The following AP2M1 variants were observed in gnomAD, a reference collection of about 807,000 sequenced individuals.
AP2M1 encodes the protein adaptor related protein complex 2 subunit mu 1, also known as AP-2 complex subunit mu.
A neutral mutation model predicts 54.5 loss-of-function variants in AP2M1; 5 were observed. The ratio of observed to expected loss-of-function variants is 0.09; its 90% CI spans 0.05 to 0.19. The LOEUF is 0.19. Ranked by LOEUF, AP2M1 falls within the 10% of genes least tolerant of loss-of-function variation. The probability of loss-of-function intolerance (pLI) is 1.00; values close to 1 mark genes in which losing one functional copy is unlikely to be tolerated. For missense variants in AP2M1, 178 were observed against 580.2 expected, an observed-to-expected ratio of 0.31 and a Z score of 7.12; for synonymous variants, 186 against 208.2, an observed-to-expected ratio of 0.89 and a Z score of 0.92.
Position 184,182,099 on chromosome 3 carries a change from G to T in AP2M1, c.963+52G>T. ...GAAGAACTTGTCCCTAGGAATAAAG[G>T]TAGCTGATGTCACAGCTTGACAGAG... On this transcript the variant is annotated intron_variant, in intron 9 of 11. Transcript: ENST00000292807. The surrounding 1 kb of genome is among the most constrained non-coding windows in gnomAD (Gnocchi z 5.5). 2.5e-6 allele frequency: 4 copies of T among 1,611,460 alleles called. No individual in the cohort carries two copies. Among genetic ancestry groups the T allele is most frequent in the Non-Finnish European group, 3.4e-6 (4 of 1,178,300 alleles).
chr3:184,178,502 G>C lies in AP2M1; in HGVS notation c.75-355G>C, dbSNP rs1040268062. ...GTGTCTCTTTCTGTCCTGGACCTGGGAGCTTACAGGGAAGCTAGATAAAGC... is the reference window on the plus strand; with the variant it reads ...GTGTCTCTTTCTGTCCTGGACCTGGCAGCTTACAGGGAAGCTAGATAAAGC... On this transcript the variant is annotated intron_variant, in intron 2 of 11. Transcript: ENST00000292807. The surrounding 1 kb of genome is among the most constrained non-coding windows in gnomAD (Gnocchi z 4.9). Among the ~76,000 whole-genome samples, 37 of 152,260 alleles carry C rather than the reference G, an allele frequency of 2.4e-4. No individual in the cohort carries two copies. The highest frequency in any genetic ancestry group is 2.0e-3 in the Admixed American group (30 of 15,290).
Position 184,180,527 on chromosome 3 carries a change from C to G in AP2M1, c.424-118C>G. On this transcript the variant is annotated intron_variant, in intron 4 of 11. Coordinates refer to ENST00000292807, the MANE Select transcript of AP2M1 (RefSeq NM_004068.4). This position sits in a 1 kb window ranked among gnomAD's most constrained non-coding sequence, Gnocchi z 4.9. ...AGGCCTGGTCTTGAGGCCTGGTATTCCTCAGGAGGAGCGAGCTTGGGCCCT... is the reference window on the plus strand; with the variant it reads ...AGGCCTGGTCTTGAGGCCTGGTATTGCTCAGGAGGAGCGAGCTTGGGCCCT... 1 of 1,519,332 alleles carries G rather than the reference C, an allele frequency of 6.6e-7. No individual in the cohort carries two copies. Among genetic ancestry groups the G allele is most frequent in the East Asian group, 2.3e-5 (1 of 44,386 alleles). The allele number at this position is 1,519,332 out of a possible 1,614,324, so 94.1% of individuals were successfully genotyped here. A position where few individuals can be genotyped will look rare whatever the true frequency, so the allele number is the denominator to read the frequency against.
intron 2 of AP2M1, 131 bp downstream of exon 2, chr3:184,177,198 A>C (rs1577057470): frequency 3.0e-5 from 27 of 908,692 alleles, no homozygotes; most frequent in Non-Finnish European, 4.1e-5. Context: ...CTGGAAGCTC[A>C]GCTAGTGTAG....
intron 1 of AP2M1, 86 bp from the exon 2 acceptor site, chr3:184,176,865 A>T (rs953193306): frequency 1.1e-6 from 1 of 916,322 alleles, no homozygotes; most frequent in Non-Finnish European, 1.6e-6. Flanking sequence ...GAGTCAGGAA[A>T]GAAGCTCCAG....
In AP2M1 at chr3:184,178,811, G is replaced by C. The variant is rs774420255; in HGVS notation, c.75-46G>C. The stretch of plus-strand genomic sequence containing the variant: ...GCTGTGGTTGATCCTTATGGGGTAA[G>C]GTTCACCTGGGTGCTGAGCAGGCCC... On this transcript the variant is annotated intron_variant, in intron 2 of 11. Transcript: ENST00000292807. This position sits in a 1 kb window ranked among gnomAD's most constrained non-coding sequence, Gnocchi z 4.9. 3.1e-6 allele frequency: 5 copies of C among 1,599,002 alleles called. No homozygotes were observed. Among genetic ancestry groups the C allele is most frequent in the Non-Finnish European group, 4.3e-6 (5 of 1,170,636 alleles).
At position 184,180,070 on chromosome 3, in the gene AP2M1, A is replaced by G. The variant is rs1157601231; in HGVS notation, c.341-99A>G. ...AAGACTTTCTTGCGGATGATCCCAC[A>G]TGGGCTTTGGGAGCTGTGCCGGTCA... On this transcript the variant is annotated intron_variant, in intron 3 of 11. Coordinates refer to ENST00000292807, the MANE Select transcript of AP2M1 (RefSeq NM_004068.4). The surrounding 1 kb of genome is among the most constrained non-coding windows in gnomAD (Gnocchi z 4.9). The G allele has an allele frequency of 1.8e-6, 2 of 1,105,286 alleles. No homozygotes were observed. The highest frequency in any genetic ancestry group is 2.4e-5 in the East Asian group (1 of 41,564). 68.5% of individuals were successfully genotyped at this position (1,105,286 alleles called of 1,614,324 possible).
rs980502662 is a variant in AP2M1 at position 184,181,022 on chromosome 3, G to C, written c.565+38G>C. 3.8e-5 allele frequency: 62 copies of C among 1,613,952 alleles called. No homozygotes were observed. Among genetic ancestry groups the C allele is most frequent in the Non-Finnish European group, 5.1e-5 (60 of 1,179,980 alleles). On this transcript the variant is annotated intron_variant, in intron 6 of 11. Transcript: ENST00000292807. The surrounding 1 kb of genome is among the most constrained non-coding windows in gnomAD (Gnocchi z 5.7). ...TCACGACAAAGTTGGAGGGGGCCCA[G>C]GGCAGGATCCTGGGCCTGCCTGCCT...
chr3:184,181,353 C>T lies in AP2M1; in HGVS notation c.707+127C>T, dbSNP rs977078008. On this transcript the variant is annotated intron_variant, in intron 7 of 11. Transcript: ENST00000292807. The surrounding 1 kb of genome is among the most constrained non-coding windows in gnomAD (Gnocchi z 5.7). ...TGCAAACTCTGTTCCTGACGGTAAGCCTGGCTGTTCGCTCTTGACATTAGT... is the reference window on the plus strand; with the variant it reads ...TGCAAACTCTGTTCCTGACGGTAAGTCTGGCTGTTCGCTCTTGACATTAGT... The T allele has an allele frequency of 7.1e-7, 1 of 1,402,700 alleles. No individual in the cohort carries two copies. The highest frequency in any genetic ancestry group is 9.8e-7 in the Non-Finnish European group (1 of 1,017,894). 86.9% of individuals were successfully genotyped at this position (1,402,700 alleles called of 1,614,324 possible).
At chr3:184,175,565 C>T (rs952268979) in intron 1 of AP2M1, among the ~76,000 whole-genome samples, 24 of 152,218 alleles carry the variant, frequency 1.6e-4, no homozygotes, top group African/African-American at 5.5e-4. Flanking sequence ...TCAGTTCCCC[C>T]GGCCGGTTTT....
Position 184,183,790 on chromosome 3 carries a change from G to A in AP2M1, c.*174G>A. The A allele has an allele frequency of 1.4e-6, 1 of 718,186 alleles. No individual in the cohort carries two copies. Among genetic ancestry groups the A allele is most frequent in the South Asian group, 1.9e-5 (1 of 53,550 alleles). 44.5% of individuals were successfully genotyped at this position (718,186 alleles called of 1,614,324 possible). On this transcript the variant is annotated 3_prime_UTR_variant, in exon 12 of 12. Transcript: ENST00000292807. The surrounding 1 kb of genome is among the most constrained non-coding windows in gnomAD (Gnocchi z 5.7). The stretch of plus-strand genomic sequence containing the variant: ...CATTACAAGTGGGACCGGTGGAGCA[G>A]CCCCTGGGCTCCCTGGGCAGGGGAG...
In AP2M1 at chr3:184,174,857, T is replaced by C. The variant is rs938307303; in HGVS notation, c.-146T>C. On this transcript the variant is annotated 5_prime_UTR_variant, in exon 1 of 12. Coordinates refer to ENST00000292807, the MANE Select transcript of AP2M1 (RefSeq NM_004068.4). ...CGGGGCCGGGGCGGGGCGGCGGCAC[T>C]GCGGTGAAAGCCGAGGCAGCGGGCA... The C allele has an allele frequency of 2.5e-5, 10 of 397,578 alleles. No individual in the cohort carries two copies. In the Middle Eastern group the frequency reaches 4.4e-3, roughly 173 times the overall value. The allele number at this position is 397,578 out of a possible 1,614,324, so 24.6% of individuals were successfully genotyped here.
chr3:184,183,694 A>C lies in AP2M1; in HGVS notation c.*78A>C. ...GGTGCCGCTCCCTCCCCCACCACAC[A>C]TCAGTGTCTCCTCCCTCCTGCTTTG... On this transcript the variant is annotated 3_prime_UTR_variant, in exon 12 of 12. Transcript: ENST00000292807. The surrounding 1 kb of genome is among the most constrained non-coding windows in gnomAD (Gnocchi z 5.7). 2.0e-6 allele frequency: 3 copies of C among 1,478,232 alleles called. No individual in the cohort carries two copies. Among genetic ancestry groups the C allele is most frequent in the Non-Finnish European group, 2.8e-6 (3 of 1,075,940 alleles). 91.6% of individuals were successfully genotyped at this position (1,478,232 alleles called of 1,614,324 possible).
rs1560127082 is a variant in AP2M1, at chr3:184,181,525, G to T, written c.708-171G>T. 2 of 972,480 alleles carry T rather than the reference G, an allele frequency of 2.1e-6. No homozygotes were observed. The highest frequency in any genetic ancestry group is 3.0e-6 in the Non-Finnish European group (2 of 667,464). 60.2% of individuals were successfully genotyped at this position (972,480 alleles called of 1,614,324 possible). On this transcript the variant is annotated intron_variant, in intron 7 of 11. Coordinates refer to ENST00000292807, the MANE Select transcript of AP2M1 (RefSeq NM_004068.4). The surrounding 1 kb of genome is among the most constrained non-coding windows in gnomAD (Gnocchi z 5.7). ...TAGCAGAAGGAGCCCCAAGAGATGA[G>T]CTTGCAAGGCTTCCCTCTCATCCCA...
Position 184,180,795 on chromosome 3 carries a change from G to A in AP2M1, c.430-54G>A, listed in dbSNP as rs769073158. ...GGTGGAGTGGGGATAGAGACAGGAT[G>A]ATTAAAGGGACAGAGGAGTGAGGCC... On this transcript the variant is annotated intron_variant, in intron 5 of 11. Coordinates refer to ENST00000292807, the MANE Select transcript of AP2M1 (RefSeq NM_004068.4). This position sits in a 1 kb window ranked among gnomAD's most constrained non-coding sequence, Gnocchi z 4.9. 3.1e-6 allele frequency: 5 copies of A among 1,614,228 alleles called. No individual in the cohort carries two copies. Among genetic ancestry groups the A allele is most frequent in the Non-Finnish European group, 4.2e-6 (5 of 1,180,040 alleles).
rs1465739817 is a variant in AP2M1 at position 184,180,752 on chromosome 3, G to A, written c.430-97G>A. The A allele has an allele frequency of 2.5e-6, 4 of 1,614,042 alleles. No individual in the cohort carries two copies. The highest frequency in any genetic ancestry group is 4.5e-5 in the East Asian group (2 of 44,892). On this transcript the variant is annotated intron_variant, in intron 5 of 11. Coordinates refer to ENST00000292807, the MANE Select transcript of AP2M1 (RefSeq NM_004068.4). The surrounding 1 kb of genome is among the most constrained non-coding windows in gnomAD (Gnocchi z 4.9). The stretch of plus-strand genomic sequence containing the variant: ...GAAAATGGATTACAGGTGGGGACTA[G>A]AAGGGATGGGGAATGAGGGTGGAGT...
chr3:184,176,310 T>G (rs1437175667), intron 1 of AP2M1, among the ~76,000 whole-genome samples: 1 of 152,210 alleles, frequency 6.6e-6, no homozygotes, highest in African/African-American at 2.4e-5. Context: ...ACCTTCCTCC[T>G]GTGCCCTTTG....
rs1360424786 is a variant in AP2M1, at chr3:184,182,021, C to G, written c.937C>G (p.Pro313Ala). Residue 313 changes from proline (P) to alanine (A), a missense_variant, in exon 9 of 12, where the codon CCC (proline) becomes GCC (alanine). By Grantham distance (27) the Pro-to-Ala change is conservative. Coordinates refer to ENST00000292807, the MANE Select transcript of AP2M1 (RefSeq NM_004068.4). This position sits in a 1 kb window ranked among gnomAD's most constrained non-coding sequence, Gnocchi z 5.5. ...GGTGGTCATCAAGTCCAACTTTAAA[C>G]CCTCACTGCTGGCTCAGAAGATCGA... ...VKVVIKSNFKPSLLAQKIEVR... is the reference protein window; with the variant it reads ...VKVVIKSNFKASLLAQKIEVR... 2 of 1,614,016 alleles carry G rather than the reference C, an allele frequency of 1.2e-6. No homozygotes were observed. Among genetic ancestry groups the G allele is most frequent in the East Asian group, 4.5e-5 (2 of 44,884 alleles).
In AP2M1 at chr3:184,181,242, G is replaced by T; in HGVS notation, c.707+16G>T. Reference sequence around the variant, plus strand: ...CAAGCAAGAGGTGCCTGAGGCAGGAGAGCTGGTGGGAGAGGGTGTCCCTTG... The same window carrying T: ...CAAGCAAGAGGTGCCTGAGGCAGGATAGCTGGTGGGAGAGGGTGTCCCTTG... On this transcript the variant is annotated intron_variant, in intron 7 of 11. Transcript: ENST00000292807. The surrounding 1 kb of genome is among the most constrained non-coding windows in gnomAD (Gnocchi z 5.7). The T allele has an allele frequency of 6.2e-7, 1 of 1,613,746 alleles. No homozygotes were observed. Among genetic ancestry groups the T allele is most frequent in the Non-Finnish European group, 8.5e-7 (1 of 1,179,958 alleles).
At chr3:184,179,664 T>TTC (rs1283414520) in intron 3 of AP2M1, among the ~76,000 whole-genome samples, 2 of 147,044 alleles carry the variant, frequency 1.4e-5, no homozygotes, top group East Asian at 1.9e-4. Context: ...TTTCTTTTCT[T>TTC]TTTTTTTTTT....
Sources: gnomAD v4.1 joint callset for allele counts (sites outside exome capture counted in the v4.1 genomes callset) on GRCh38, gnomAD v4.1.1 for gene constraint, Gnocchi (gnomAD v3.1) non-coding constraint, MANE v1.5 for transcripts, NCBI Gene and HGNC (gene_info 2026-07-23, HGNC 2026-07-21) for gene names.